Variants in NPRL3 observed in about 807,000 individuals in gnomAD.
The protein encoded by NPRL3 is GATOR1 complex protein NPRL3.
In NPRL3, 23 loss-of-function variants were observed where a neutral mutation model predicts 57.2. The observed-to-expected ratio is 0.40, with a 90% CI of 0.29 to 0.57. The LOEUF (loss-of-function observed/expected upper bound fraction) is 0.57, where lower values mean the gene tolerates loss of function less well. Ranked by LOEUF, NPRL3 falls within the 20% of genes least tolerant of loss-of-function variation. NPRL3 has a pLI of 0.42. For missense variants in NPRL3, 691 were observed against 767.1 expected (o/e 0.90, Z 1.17); for synonymous variants, 333 against 321.1 (o/e 1.04, Z -0.39).
intron 11 of NPRL3, 92 bp downstream of exon 11, chr16:92,504 G>T: frequency 6.8e-7 from 1 of 1,472,258 alleles, no homozygotes; most frequent in Non-Finnish European, 9.3e-7. Context: ...TGGCAGTGCT[G>T]AGGGCTCTCA....
Position 112,623 on chromosome 16 carries a change from A to G in NPRL3, c.546T>C (p.Asp182=). The G allele has an allele frequency of 6.3e-7, 1 of 1,578,784 alleles. No homozygotes were observed. ...ALQDEVSAMA[D]GNEGPQSPFH... ...CCCATCACGCCCTGCTGCACTCACCATCAGCCATGGCGGACACCTCATCCT... is the reference window on the plus strand; with the variant it reads ...CCCATCACGCCCTGCTGCACTCACCGTCAGCCATGGCGGACACCTCATCCT... Residue 182 remains aspartate, a splice_region_variant and synonymous_variant, in exon 6 of 14, where the codon GAT becomes GAC. Transcript: ENST00000611875.
chr16:116,637 T>C (rs1364814745), intron 5 of NPRL3, among the ~76,000 whole-genome samples: 2 of 151,720 alleles, frequency 1.3e-5, no homozygotes, highest in African/African-American at 4.8e-5. Flanking sequence ...GCCAGGGCAA[T>C]AAGGTGAAAA....
At chr16:97,578 G>T (rs1377419009) in intron 9 of NPRL3, among the ~76,000 whole-genome samples, 1 of 152,002 alleles carries the variant, frequency 6.6e-6, no homozygotes, top group South Asian at 2.1e-4. Context: ...AGGCTGAGGG[G>T]CCCTCCATCT....
chr16:135,564 A>C (rs1397883573), intron 2 of NPRL3, among the ~76,000 whole-genome samples: 1 of 147,876 alleles, frequency 6.8e-6, no homozygotes, highest in Non-Finnish European at 1.5e-5. Flanking sequence ...AGCCAAGATC[A>C]GGCCATTGCA....
In NPRL3 at chr16:138,187, G is replaced by T. The variant is rs776860364; in HGVS notation, c.81C>A (p.Pro27=). The change falls in exon 2 of 14, where the codon CCC becomes CCA. Residue 27 remains proline (P), a synonymous_variant. Transcript: ENST00000611875. The part of the protein sequence containing the change: ...SRGNKLLFRY[P]FQRSQEHPAS... Reference sequence around the variant, plus strand: ...CCGGGTGCTCCTGGCTTCTCTGGAAGGGGTACCTGAACAGCAGCTTATTGC... The same window carrying T: ...CCGGGTGCTCCTGGCTTCTCTGGAATGGGTACCTGAACAGCAGCTTATTGC... 6.2e-7 allele frequency: 1 copy of T among 1,609,674 alleles called. No individual in the cohort carries two copies. The highest frequency in any genetic ancestry group is 1.1e-5 in the South Asian group (1 of 89,906).
chr16:115,572 G>A (rs755282647), intron 5 of NPRL3, among the ~76,000 whole-genome samples: 28 of 149,874 alleles, frequency 1.9e-4, no homozygotes, highest in Admixed American at 1.1e-3. Flanking sequence ...TGCAACCTCC[G>A]CCTCCCGGAT....
intron 3 of NPRL3, among the ~76,000 whole-genome samples, chr16:120,894 A>C (rs1270271590): frequency 6.6e-6 from 1 of 152,216 alleles, no homozygotes; most frequent in South Asian, 2.1e-4. Flanking sequence ...GGTTTGAGGT[A>C]TTAAAACGCC....
intron 7 of NPRL3, among the ~76,000 whole-genome samples, chr16:108,674 T>TTTATTATTATTA (rs57499128): frequency 6.7e-6 from 1 of 150,004 alleles, no homozygotes; most frequent in African/African-American, 2.5e-5. Flanking sequence ...TTTTTTAATT[T>TTTATTATTATTA]TTATTATTAT....
chr16:130,382 C>T (rs1900733553), intron 3 of NPRL3, 140 bp downstream of exon 3: 2 of 810,560 alleles, frequency 2.5e-6, no homozygotes, highest in East Asian at 2.7e-5. Flanking sequence ...CTCTACACTA[C>T]CTGAGAGCAC....
intron 3 of NPRL3, among the ~76,000 whole-genome samples, chr16:127,734 A>C (rs945458707): frequency 2.7e-5 from 4 of 150,484 alleles, no homozygotes; most frequent in African/African-American, 9.8e-5. Context: ...GGCTCACTGC[A>C]AGCTCCGCCT....
intron 3 of NPRL3, among the ~76,000 whole-genome samples, chr16:127,544 CT>C (rs1291169500): frequency 2.6e-5 from 4 of 151,942 alleles, no homozygotes; most frequent in African/African-American, 9.7e-5. Flanking sequence ...CCCAAAAGAA[CT>C]TTCTACTGTG....
At chr16:135,337 A>C in intron 2 of NPRL3, among the ~76,000 whole-genome samples, 1 of 152,202 alleles carries the variant, frequency 6.6e-6, no homozygotes, top group East Asian at 1.9e-4. Context: ...CCTTATGCCA[A>C]GACAAACACA....
rs1051373942 is a variant in NPRL3, at chr16:130,444, G to A, written c.188+78C>T. On this transcript the variant is annotated intron_variant, in intron 3 of 13. Transcript: ENST00000611875. ...AGACTTCTCAGGGAGAAAACATCTGGGTGAATAGGAGGGTGGGGCTTTGCC... is the reference window on the plus strand; with the variant it reads ...AGACTTCTCAGGGAGAAAACATCTGAGTGAATAGGAGGGTGGGGCTTTGCC... 3 of 1,389,394 alleles carry A rather than the reference G, an allele frequency of 2.2e-6. No homozygotes were observed. In the African/African-American group the frequency reaches 4.3e-5, roughly 20 times the overall value. The allele number at this position is 1,389,394 out of a possible 1,614,324, so 86.1% of individuals were successfully genotyped here.
intron 7 of NPRL3, among the ~76,000 whole-genome samples, chr16:107,938 G>C (rs1430280207): frequency 6.6e-6 from 1 of 152,212 alleles, no homozygotes; most frequent in African/African-American, 2.4e-5. Flanking sequence ...TGGATACCAG[G>C]CAATTCAAAG....
intron 5 of NPRL3, among the ~76,000 whole-genome samples, chr16:115,884 T>A (rs1231668209): frequency 6.6e-6 from 1 of 152,234 alleles, no homozygotes; most frequent in African/African-American, 2.4e-5. Context: ...GGCCAGTGTA[T>A]AATAATCACC....
chr16:87,952 G>A (rs1164416338), intron 13 of NPRL3, among the ~76,000 whole-genome samples: 1 of 151,842 alleles, frequency 6.6e-6, no homozygotes, highest in African/African-American at 2.4e-5. Flanking sequence ...CTGGCACAGA[G>A]GAGGCTAGGA....
At chr16:131,394 G>C (rs1361812660) in intron 2 of NPRL3, among the ~76,000 whole-genome samples, 2 of 129,856 alleles carry the variant, frequency 1.5e-5, no homozygotes, top group Non-Finnish European at 3.1e-5. Flanking sequence ...CAAGAGAATG[G>C]TGTGAACCCG....
rs533871530 is a variant in NPRL3, at chr16:103,296, A to ATTTTTTTTTTTT, written c.630-2799_630-2788dup. On this transcript the variant is annotated intron_variant, in intron 7 of 13. Coordinates refer to ENST00000611875, the MANE Select transcript of NPRL3 (RefSeq NM_001077350.3). ...GACGTGCAACATCACGCCTGGGGTG[A>ATTTTTTTTTTTT]TTTTTTTTTTTTTTTTTTTTTTTTT... Among the ~76,000 whole-genome samples the ATTTTTTTTTTTT allele has an allele frequency of 8.7e-3, 368 of 42,114 alleles. 99 individuals carry two copies. The highest frequency in any genetic ancestry group is 0.05 in the Middle Eastern group (2 of 40). The allele number at this position is 42,114 out of a possible 152,430, so 27.6% of individuals were successfully genotyped here.
chr16:89,496 C>A (rs1596495963), intron 12 of NPRL3: 1 of 513,194 alleles, frequency 1.9e-6, no homozygotes, highest in Non-Finnish European at 3.4e-6. Flanking sequence ...TTCTAGCAAG[C>A]CTGCTGAAGA....
Sources: allele counts gnomAD v4.1 joint callset (sites outside exome capture counted in the v4.1 genomes callset), GRCh38; gene constraint gnomAD v4.1.1; transcripts MANE v1.5; gene names NCBI Gene and HGNC (gene_info 2026-07-23, HGNC 2026-07-21).